PLCE1: variants seen among roughly 807,000 people sequenced by gnomAD.
The protein encoded by PLCE1 is 1-phosphatidylinositol 4,5-bisphosphate phosphodiesterase epsilon-1.
PLCE1 carries 119 observed loss-of-function variants against 242.8 expected under a neutral mutation model. The observed-to-expected ratio is 0.49, with a 90% CI of 0.42 to 0.57. The LOEUF is 0.57. Among genes scored for constraint, PLCE1 ranks in the 20% least tolerant of loss-of-function variants. The probability of loss-of-function intolerance (pLI) is 0.00; values close to 1 mark genes in which losing one functional copy is unlikely to be tolerated. For synonymous variants in PLCE1, 945 were observed against 1,017.4 expected, an observed-to-expected ratio of 0.93 and a Z score of 1.35; for missense variants, 2,441 against 2,788.8, an observed-to-expected ratio of 0.88 and a Z score of 2.81.
intron 2 of PLCE1, among the ~76,000 whole-genome samples, chr10:94,071,845 A>G (rs1368941975): frequency 6.6e-6 from 1 of 151,362 alleles, no homozygotes; most frequent in African/African-American, 2.4e-5. Context: ...TCTATTTGTT[A>G]TCACTCTTAT....
chr10:94,009,242 AGAG>A (rs2061116220), intron 1 of PLCE1, among the ~76,000 whole-genome samples: 1 of 152,148 alleles, frequency 6.6e-6, no homozygotes, highest in African/African-American at 2.4e-5. Context: ...GGCAAGAGAC[AGAG>A]AAGGGGGAGG....
At chr10:94,242,704 G>T (rs973365375) in intron 7 of PLCE1, among the ~76,000 whole-genome samples, 12 of 152,122 alleles carry the variant, frequency 7.9e-5, no homozygotes, top group Non-Finnish European at 1.2e-4. Flanking sequence ...AATACACAAG[G>T]TGAGCCTGGA....
At position 94,321,919 on chromosome 10, in the gene PLCE1, A is replaced by G; in HGVS notation, c.6361A>G (p.Ile2121Val). The change falls in exon 30 of 33, where the codon ATT (isoleucine) becomes GTT (valine). Residue 2121 changes from isoleucine (I) to valine (V), a missense_variant. By Grantham distance (29) the Ile-to-Val change is conservative. Transcript: ENST00000371380. Reference protein sequence around the residue: ...TQQENLEEKNIVQDDKEVILS... With the variant: ...TQQENLEEKNVVQDDKEVILS... The stretch of plus-strand genomic sequence containing the variant: ...AACATAGAACCTAGAAGAGAAAAAC[A>G]TTGTTCAAGATGACAAAGAGGTGAT... 2 of 1,613,552 alleles carry G rather than the reference A, an allele frequency of 1.2e-6. No homozygotes were observed. The highest frequency in any genetic ancestry group is 1.7e-6 in the Non-Finnish European group (2 of 1,179,488).
intron 28 of PLCE1, chr10:94,314,786 C>T (rs2053511342): frequency 6.6e-6 from 1 of 152,190 alleles, no homozygotes; most frequent in Admixed American, 6.5e-5. Context: ...CTCTGTCTTT[C>T]AAGGGCACAT....
chr10:94,071,584 A>G (rs1682676630), intron 2 of PLCE1, among the ~76,000 whole-genome samples: 1 of 137,358 alleles, frequency 7.3e-6, no homozygotes, highest in Non-Finnish European at 1.5e-5. Flanking sequence ...GCAGCCTTGA[A>G]CTCCTGGGCT....
chr10:94,309,711 C>T (rs1398611128), intron 27 of PLCE1, among the ~76,000 whole-genome samples: 1 of 152,176 alleles, frequency 6.6e-6, no homozygotes, highest in Non-Finnish European at 1.5e-5. Context: ...TGGACCATGG[C>T]CCCCTCACTA....
rs779315815 is a variant in PLCE1, at chr10:94,313,335, G to A, written c.6085G>A (p.Val2029Ile). 35 of 1,614,034 alleles carry A rather than the reference G, an allele frequency of 2.2e-5. No homozygotes were observed. The highest frequency in any genetic ancestry group is 1.6e-4 in the South Asian group (15 of 91,086). ...HGVPGPEPFT[V>I]FTINGGTKAK... ...GGTCCCAGGGCCAGAGCCCTTTACC[G>A]TTTTCACTATTAATGGAGGCACCAA... The change falls in exon 28 of 33, where the codon GTT becomes ATT. Residue 2029 changes from valine (V) to isoleucine (I), a missense_variant. Physicochemically the swap from Val to Ile is conservative, Grantham distance 29. Coordinates refer to ENST00000371380, the MANE Select transcript of PLCE1 (RefSeq NM_016341.4).
At chr10:94,242,980 T>C (rs979901312) in intron 7 of PLCE1, among the ~76,000 whole-genome samples, 3 of 152,228 alleles carry the variant, frequency 2.0e-5, no homozygotes, top group Non-Finnish European at 2.9e-5. Flanking sequence ...CTTAGGCAGA[T>C]TCTTCACCCT....
intron 3 of PLCE1, among the ~76,000 whole-genome samples, chr10:94,166,211 T>G (rs1590166992): frequency 6.6e-6 from 1 of 152,242 alleles, no homozygotes; most frequent in African/African-American, 2.4e-5. Flanking sequence ...AAATTTTTTG[T>G]GAAATAAATT....
intron 2 of PLCE1, among the ~76,000 whole-genome samples, chr10:94,116,625 G>A (rs185975953): frequency 2.5e-4 from 38 of 152,216 alleles, no homozygotes; most frequent in Non-Finnish European, 4.1e-4. Flanking sequence ...AACCTGGGAG[G>A]CAGAAGTTGC....
chr10:93,997,770 C>G lies in PLCE1; in HGVS notation c.-365+3512C>G, dbSNP rs532605571. The stretch of plus-strand genomic sequence containing the variant: ...GAAATGCCATGGATAGTTCAACCAC[C>G]GTAATAGACGTGCTTAGCAATTGTT... On this transcript the variant is annotated intron_variant, in intron 1 of 32. Transcript: ENST00000371380. Among the ~76,000 whole-genome samples the G allele has an allele frequency of 1.7e-4, 26 of 151,726 alleles. No homozygotes were observed. In the East Asian group the frequency reaches 4.9e-3, roughly 28 times the overall value.
intron 4 of PLCE1, among the ~76,000 whole-genome samples, chr10:94,189,630 G>T (rs1363946357): frequency 6.6e-6 from 1 of 152,182 alleles, no homozygotes; most frequent in Non-Finnish European, 1.5e-5. Flanking sequence ...AACAGAAGAT[G>T]ACAAGGGGCC....
At chr10:93,999,722 C>T (rs752858432) in intron 1 of PLCE1, among the ~76,000 whole-genome samples, 2 of 149,130 alleles carry the variant, frequency 1.3e-5, no homozygotes, top group Non-Finnish European at 3.0e-5. Context: ...CACCACAGAC[C>T]GCTGGCCCCA....
chr10:94,283,945 A>AC, intron 21 of PLCE1, 34 bp downstream of exon 21: 1 of 1,602,458 alleles, frequency 6.2e-7, no homozygotes, highest in Non-Finnish European at 8.5e-7. Flanking sequence ...TGACACTTTG[A>AC]CCATGTGGTA....
intron 32 of PLCE1, among the ~76,000 whole-genome samples, chr10:94,326,424 G>A (rs1337539229): frequency 6.6e-6 from 1 of 152,044 alleles, no homozygotes; most frequent in African/African-American, 2.4e-5. Flanking sequence ...ACTCTGCAGT[G>A]GTCAAAATTT....
At chr10:94,262,864 T>G (rs2051353083) in intron 14 of PLCE1, 132 bp downstream of exon 14, 3 of 774,974 alleles carry the variant, frequency 3.9e-6, no homozygotes, top group Admixed American at 1.9e-5. Flanking sequence ...CAGTTTTGTT[T>G]TTTTTTTTGT....
chr10:94,052,285 C>T (rs1433278217), intron 2 of PLCE1, among the ~76,000 whole-genome samples: 3 of 152,194 alleles, frequency 2.0e-5, no homozygotes, highest in Admixed American at 6.5e-5. Context: ...ATTCCTCCTT[C>T]CCCCTAAATA....
intron 2 of PLCE1, among the ~76,000 whole-genome samples, chr10:94,054,582 G>A (rs142232334): frequency 6.6e-6 from 1 of 152,312 alleles, no homozygotes; most frequent in African/African-American, 2.4e-5. Flanking sequence ...CTCTGGGAGA[G>A]TTCAGGGTTT....
At chr10:94,103,397 GC>G (rs1226332025) in intron 2 of PLCE1, among the ~76,000 whole-genome samples, 13 of 152,156 alleles carry the variant, frequency 8.5e-5, no homozygotes, top group African/African-American at 2.9e-4. Flanking sequence ...CAGCCCTCTG[GC>G]CTTCAAGAGA....
Sources: allele counts gnomAD v4.1 joint callset (sites outside exome capture counted in the v4.1 genomes callset), GRCh38; gene constraint gnomAD v4.1.1; transcripts MANE v1.5; gene names NCBI Gene and HGNC (gene_info 2026-07-23, HGNC 2026-07-21).